The following RALYL variants were observed in gnomAD, a reference collection of about 807,000 sequenced individuals.
RALYL encodes the protein RALY RNA binding protein like, also known as RNA-binding Raly-like protein.
In RALYL, 29 loss-of-function variants were observed where a neutral mutation model predicts 35.1. The ratio of observed to expected loss-of-function variants is 0.83; its 90% CI spans 0.61 to 1.13. The LOEUF (loss-of-function observed/expected upper bound fraction) is 1.13. RALYL is among the 50% of genes most tolerant of loss of function. The pLI is 0.00. For missense variants in RALYL, 359 were observed against 360.4 expected, an observed-to-expected ratio of 1.00 and a Z score of 0.03; for synonymous variants, 120 against 127.6, an observed-to-expected ratio of 0.94 and a Z score of 0.40.
chr8:84,688,672 C>T (rs903024216), intron 2 of RALYL, among the ~76,000 whole-genome samples: 1 of 151,978 alleles, frequency 6.6e-6, no homozygotes, highest in African/African-American at 2.4e-5. Flanking sequence ...CTGGGCAATG[C>T]TTTTTTACTA....
At chr8:84,723,338 C>T (rs1264061723) in intron 2 of RALYL, among the ~76,000 whole-genome samples, 1 of 151,952 alleles carries the variant, frequency 6.6e-6, no homozygotes, top group Non-Finnish European at 1.5e-5. Flanking sequence ...CTTACACCTC[C>T]ACTACCAGTG....
intron 4 of RALYL, among the ~76,000 whole-genome samples, chr8:84,832,917 T>C (rs1792411774): frequency 1.3e-5 from 2 of 152,310 alleles, no homozygotes; most frequent in South Asian, 4.1e-4. Context: ...ATTCATTATC[T>C]TATTTCTTTG....
intron 1 of RALYL, among the ~76,000 whole-genome samples, chr8:84,469,069 A>G (rs997950597): frequency 3.3e-5 from 5 of 151,938 alleles, no homozygotes; most frequent in African/African-American, 1.2e-4. Flanking sequence ...AAAGTTTTCA[A>G]CTTCTTTGCC....
chr8:84,858,285 A>T (rs933450735), intron 5 of RALYL, among the ~76,000 whole-genome samples: 3 of 152,184 alleles, frequency 2.0e-5, no homozygotes, highest in Non-Finnish European at 4.4e-5. Flanking sequence ...TGAATTTTTT[A>T]AATTTATTAC....
At chr8:84,422,817 AT>A (rs2045831189) in intron 1 of RALYL, among the ~76,000 whole-genome samples, 2 of 133,484 alleles carry the variant, frequency 1.5e-5, no homozygotes, top group Admixed American at 1.5e-4. Flanking sequence ...CCCAGTAGTC[AT>A]TCAGGAGCAG....
intron 1 of RALYL, among the ~76,000 whole-genome samples, chr8:84,262,865 A>G (rs372650586): frequency 2.0e-5 from 3 of 152,282 alleles, no homozygotes; most frequent in East Asian, 3.9e-4. Flanking sequence ...TCACTTTTAT[A>G]CATCTATGTG....
intron 1 of RALYL, among the ~76,000 whole-genome samples, chr8:84,514,838 T>C (rs971030971): frequency 7.5e-6 from 1 of 134,100 alleles, no homozygotes; most frequent in African/African-American, 2.7e-5. Context: ...AATAGGTTTT[T>C]GCAGGTGCTA....
At chr8:84,624,316 C>T (rs1374068609) in intron 2 of RALYL, among the ~76,000 whole-genome samples, 1 of 152,154 alleles carries the variant, frequency 6.6e-6, no homozygotes. Flanking sequence ...AAGTCAGAAG[C>T]CTAACGTGGG....
intron 1 of RALYL, among the ~76,000 whole-genome samples, chr8:84,263,492 C>T (rs948335472): frequency 1.3e-5 from 2 of 152,110 alleles, no homozygotes; most frequent in South Asian, 2.1e-4. Flanking sequence ...AATGCAAATT[C>T]CCTCATTCTG....
intron 2 of RALYL, among the ~76,000 whole-genome samples, chr8:84,562,829 G>A (rs371814388): frequency 8.6e-5 from 13 of 151,994 alleles, no homozygotes; most frequent in South Asian, 8.3e-4. Flanking sequence ...GAGGCATTAC[G>A]CTAATCTACC....
chr8:84,212,965 G>C (rs1819864235), intron 1 of RALYL, among the ~76,000 whole-genome samples: 1 of 152,058 alleles, frequency 6.6e-6, no homozygotes, highest in African/African-American at 2.4e-5. Context: ...AAACAAATGA[G>C]ATTTTTTGAA....
chr8:84,726,139 A>G (rs1381249998), intron 2 of RALYL, among the ~76,000 whole-genome samples: 1 of 150,384 alleles, frequency 6.6e-6, no homozygotes, highest in Admixed American at 6.7e-5. Flanking sequence ...ATTTTGAATA[A>G]TTGCATTTAT....
intron 2 of RALYL, among the ~76,000 whole-genome samples, chr8:84,619,940 G>A (rs1482923831): frequency 1.4e-3 from 163 of 113,930 alleles, no homozygotes; most frequent in East Asian, 2.7e-3. Context: ...CTTCTGGCTT[G>A]TAGGGTTTCT....
rs3068023 is a variant in RALYL, at chr8:84,704,446, GACACACACACAC to G, written c.257-70107_257-70096del. ...TACCACCAGCCCCCCAATACACACA[GACACACACACAC>G]ACACACACACACACACACACACACA... is the stretch of plus-strand genomic sequence containing the variant. On this transcript the variant is annotated intron_variant, in intron 2 of 8. Coordinates refer to ENST00000521268, the MANE Select transcript of RALYL (RefSeq NM_173848.7). Among the ~76,000 whole-genome samples, 8 of 104,074 alleles carry G rather than the reference GACACACACACAC, an allele frequency of 7.7e-5. No individual in the cohort carries two copies. In the East Asian group the frequency reaches 9.9e-4, roughly 13 times the overall value. 68.3% of individuals were successfully genotyped at this position (104,074 alleles called of 152,430 possible).
chr8:84,210,906 G>C (rs1165432587), intron 1 of RALYL, among the ~76,000 whole-genome samples: 1 of 152,056 alleles, frequency 6.6e-6, no homozygotes, highest in Non-Finnish European at 1.5e-5. Context: ...ATGTATGAAT[G>C]ACTAGCATAA....
Position 84,268,240 on chromosome 8 carries a change from G to T in RALYL, c.-24+83816G>T, listed in dbSNP as rs546390002. ...ACGAGACAGTCAGACACAGTGAGAGGTTCTTGAAACAGTTTCAGTCATAAA... is the reference window on the plus strand; with the variant it reads ...ACGAGACAGTCAGACACAGTGAGAGTTTCTTGAAACAGTTTCAGTCATAAA... On this transcript the variant is annotated intron_variant, in intron 1 of 8. Coordinates refer to ENST00000521268, the MANE Select transcript of RALYL (RefSeq NM_173848.7). Among the ~76,000 whole-genome samples the T allele has an allele frequency of 7.2e-5, 11 of 152,238 alleles. No homozygotes were observed. In the East Asian group the frequency reaches 2.1e-3, roughly 29 times the overall value.
intron 2 of RALYL, among the ~76,000 whole-genome samples, chr8:84,538,493 A>G (rs995350156): frequency 6.6e-6 from 1 of 152,186 alleles, no homozygotes; most frequent in Non-Finnish European, 1.5e-5. Flanking sequence ...TATTCTTTCA[A>G]CACTACATTT....
chr8:84,850,275 GATAAA>G (rs1339329097), intron 5 of RALYL, among the ~76,000 whole-genome samples: 2 of 152,218 alleles, frequency 1.3e-5, no homozygotes, highest in Admixed American at 1.3e-4. Context: ...CTAATATTTA[GATAAA>G]ATCCTAAAGA....
chr8:84,791,767 TACGTAGC>T (rs1210149801), intron 3 of RALYL, among the ~76,000 whole-genome samples: 1 of 152,232 alleles, frequency 6.6e-6, no homozygotes, highest in Non-Finnish European at 1.5e-5. Context: ...TATCTGCTGC[TACGTAGC>T]AAGATTTATT....
Sources: gnomAD v4.1 joint callset for allele counts (sites outside exome capture counted in the v4.1 genomes callset) on GRCh38, gnomAD v4.1.1 for gene constraint, MANE v1.5 for transcripts, NCBI Gene and HGNC (gene_info 2026-07-23, HGNC 2026-07-21) for gene names.